ATP2B1: variants seen among roughly 807,000 people sequenced by gnomAD.
The protein encoded by ATP2B1 is ATPase plasma membrane Ca2+ transporting 1, also known as plasma membrane calcium-transporting ATPase 1.
A neutral mutation model predicts 124.2 loss-of-function variants in ATP2B1; 14 were observed. That is an observed-to-expected ratio of 0.11 (90% CI 0.07 to 0.18). The LOEUF is 0.18. Among genes scored for constraint, ATP2B1 ranks in the 10% least tolerant of loss-of-function variants. The probability of loss-of-function intolerance (pLI) is 1.00; values close to 1 mark genes in which losing one functional copy is unlikely to be tolerated. For missense variants in ATP2B1, 763 were observed against 1,466.1 expected, an observed-to-expected ratio of 0.52 and a Z score of 7.83; for synonymous variants, 449 against 492.4, an observed-to-expected ratio of 0.91 and a Z score of 1.17.
chr12:89,611,198 C>T lies in ATP2B1; in HGVS notation c.2242G>A (p.Gly748Arg). The change falls in exon 13 of 21, where the codon GGA (glycine) becomes AGA (arginine). Residue 748 changes from glycine to arginine, a missense_variant. Coordinates refer to ENST00000428670, the MANE Select transcript of ATP2B1 (RefSeq NM_001366521.1). ...DFNRRIRNEK[G>R]EIEQERIDKI... is the part of the protein sequence containing the mutation. ...AAATAATAATAAATCTTTACCTCTC[C>T]TTTTTCATTTCGTATTCTTCTGTTA... 1.3e-6 allele frequency: 2 copies of T among 1,583,448 alleles called. No individual in the cohort carries two copies. The highest frequency in any genetic ancestry group is 2.3e-5 in the South Asian group (2 of 85,544).
At chr12:89,645,050 C>G (rs1044704688) in intron 2 of ATP2B1, among the ~76,000 whole-genome samples, 3 of 152,172 alleles carry the variant, frequency 2.0e-5, no homozygotes, top group Non-Finnish European at 4.4e-5. Flanking sequence ...AGTAGAAGAC[C>G]TAGGTTCCGG....
intron 2 of ATP2B1, among the ~76,000 whole-genome samples, chr12:89,649,580 C>T (rs1884972634): frequency 1.3e-5 from 2 of 152,174 alleles, no homozygotes; most frequent in African/African-American, 2.4e-5. Context: ...AGGAACTCAT[C>T]TCCAGATGAG....
chr12:89,625,561 G>A (rs1323212456), intron 8 of ATP2B1, among the ~76,000 whole-genome samples: 3 of 136,884 alleles, frequency 2.2e-5, no homozygotes, highest in Non-Finnish European at 3.0e-5. Flanking sequence ...TTCCAGCCTG[G>A]CTGACAGAGT....
intron 1 of ATP2B1, among the ~76,000 whole-genome samples, chr12:89,668,262 A>G (rs1190656381): frequency 6.6e-6 from 1 of 152,174 alleles, no homozygotes. Flanking sequence ...GCCACAACTC[A>G]TGTTCTTTTA....
At chr12:89,678,015 C>T (rs1056191174) in intron 1 of ATP2B1, among the ~76,000 whole-genome samples, 4 of 140,872 alleles carry the variant, frequency 2.8e-5, no homozygotes, top group Non-Finnish European at 3.1e-5. Flanking sequence ...CACACACACA[C>T]ACATATACAG....
intron 1 of ATP2B1, among the ~76,000 whole-genome samples, chr12:89,683,857 C>T (rs1889649052): frequency 6.6e-6 from 1 of 152,132 alleles, no homozygotes; most frequent in Admixed American, 6.6e-5. Context: ...GAATCCACTT[C>T]GAAGATAAAC....
chr12:89,598,981 TA>T, intron 20 of ATP2B1, 135 bp downstream of exon 20: 1 of 1,103,488 alleles, frequency 9.1e-7, no homozygotes. Context: ...CAGGCACCAG[TA>T]TTACTTTTCA....
At chr12:89,610,805 C>T (rs958780308) in intron 13 of ATP2B1, 7 of 358,534 alleles carry the variant, frequency 2.0e-5, no homozygotes, top group Admixed American at 1.3e-4. Context: ...TAAAAAATCC[C>T]CCTACTGCCT....
At chr12:89,614,562 A>G (rs892242828) in intron 12 of ATP2B1, among the ~76,000 whole-genome samples, 1 of 152,218 alleles carries the variant, frequency 6.6e-6, no homozygotes, top group Non-Finnish European at 1.5e-5. Context: ...TCTAACTTGT[A>G]CAGAGATGGT....
At chr12:89,610,770 T>G (rs1294467047) in intron 13 of ATP2B1, 1 of 409,440 alleles carries the variant, frequency 2.4e-6, no homozygotes, top group Non-Finnish European at 4.3e-6. Context: ...GCCACTGTTT[T>G]TATATATCAT....
chr12:89,656,486 G>A (rs1339500052), intron 1 of ATP2B1, among the ~76,000 whole-genome samples: 1 of 152,124 alleles, frequency 6.6e-6, no homozygotes, highest in East Asian at 1.9e-4. Flanking sequence ...AGTGATAAGA[G>A]CAGACTTCAA....
At chr12:89,638,072 G>A in intron 3 of ATP2B1, among the ~76,000 whole-genome samples, 1 of 148,590 alleles carries the variant, frequency 6.7e-6, no homozygotes, top group East Asian at 2.0e-4. Flanking sequence ...TACTGACAAT[G>A]ATTACAAATT....
In ATP2B1 at chr12:89,594,912, T is replaced by A. The variant is rs117453512; in HGVS notation, c.3352-3617A>T. On this transcript the variant is annotated intron_variant, in intron 20 of 20. Coordinates refer to ENST00000428670, the MANE Select transcript of ATP2B1 (RefSeq NM_001366521.1). The stretch of plus-strand genomic sequence containing the variant: ...CACTTCTGAAATTTGTTTTCATTAC[T>A]ACTTTTCTATGTGCACTAACTTAAA... The A allele has an allele frequency of 1.1e-4, 16 of 152,138 alleles. No individual in the cohort carries two copies. In the East Asian group the frequency reaches 2.9e-3, roughly 27 times the overall value. The allele number at this position is 152,138 out of a possible 1,614,324, so 9.4% of individuals were successfully genotyped here.
chr12:89,620,269 T>C (rs773890724), intron 10 of ATP2B1, 29 bp from the exon 11 acceptor site: 21 of 1,607,478 alleles, frequency 1.3e-5, no homozygotes, highest in Non-Finnish European at 8.5e-7. Context: ...TAGTAGCTAG[T>C]ATCTCGTTTC....
intron 15 of ATP2B1, among the ~76,000 whole-genome samples, chr12:89,608,471 C>T (rs1877390593): frequency 6.6e-6 from 1 of 151,304 alleles, no homozygotes; most frequent in African/African-American, 2.4e-5. Context: ...CCATCATGGC[C>T]AGCCTGTTTT....
intron 6 of ATP2B1, among the ~76,000 whole-genome samples, chr12:89,628,359 G>A (rs1881258893): frequency 7.6e-6 from 1 of 132,392 alleles, no homozygotes; most frequent in Admixed American, 9.0e-5. Flanking sequence ...CCAAGATCAC[G>A]CCATTGCACT....
Position 89,621,576 on chromosome 12 carries a change from C to A in ATP2B1, c.1560G>T (p.Val520=). Residue 520 remains valine, a synonymous_variant, in exon 10 of 21, where the codon GTG becomes GTT. Transcript: ENST00000428670. ...ATATTTTTGATGTATAAGCACAATTCACAGAAATTCCTGTTACAAGATAGG... is the reference window on the plus strand; with the variant it reads ...ATATTTTTGATGTATAAGCACAATTAACAGAAATTCCTGTTACAAGATAGG... The part of the protein sequence containing the change: ...ILSYLVTGIS[V]NCAYTSKILP... The A allele has an allele frequency of 6.3e-7, 1 of 1,590,476 alleles. No individual in the cohort carries two copies. Among genetic ancestry groups the A allele is most frequent in the South Asian group, 1.1e-5 (1 of 87,524 alleles).
intron 1 of ATP2B1, among the ~76,000 whole-genome samples, chr12:89,682,061 A>T (rs1289856970): frequency 1.3e-5 from 2 of 152,164 alleles, no homozygotes; most frequent in African/African-American, 4.8e-5. Flanking sequence ...AAATCAAAAC[A>T]TACATAAAAT....
At chr12:89,594,087 T>G (rs964700556) in intron 20 of ATP2B1, 4 of 152,046 alleles carry the variant, frequency 2.6e-5, no homozygotes, top group Non-Finnish European at 5.9e-5. Flanking sequence ...AGCACGTTAC[T>G]AGGCCAGTTC....
Sources: gnomAD v4.1 joint callset for allele counts (sites outside exome capture counted in the v4.1 genomes callset) on GRCh38, gnomAD v4.1.1 for gene constraint, MANE v1.5 for transcripts, NCBI Gene and HGNC (gene_info 2026-07-23, HGNC 2026-07-21) for gene names.